NGLY1: variants seen among roughly 807,000 people sequenced by gnomAD.
NGLY1 encodes the protein N-glycanase 1, also known as peptide-N(4)-(N-acetyl-beta-glucosaminyl)asparagine amidase.
A neutral mutation model predicts 84.6 loss-of-function variants in NGLY1; 68 were observed. The observed-to-expected ratio is 0.80, with a 90% CI of 0.66 to 0.98. The LOEUF (loss-of-function observed/expected upper bound fraction) is 0.98. Among genes scored for constraint, NGLY1 ranks in the 50% least tolerant of loss-of-function variants. The pLI is 0.00. For synonymous variants in NGLY1, 280 were observed against 275.2 expected (o/e 1.02, Z -0.17); for missense variants, 779 against 770.2 (o/e 1.01, Z -0.14).
At chr3:25,777,606 C>T (rs775617091) in intron 2 of NGLY1, 17 of 152,124 alleles carry the variant, frequency 1.1e-4, no homozygotes, top group Non-Finnish European at 2.2e-4. Flanking sequence ...GTTTCAGGTA[C>T]CTGAGATGTT....
chr3:25,742,884 CAAAAAAAAAAAAA>C lies in NGLY1; in HGVS notation c.659-3098_659-3086del, dbSNP rs34669504. On this transcript the variant is annotated intron_variant, in intron 4 of 11. Coordinates refer to ENST00000280700, the MANE Select transcript of NGLY1 (RefSeq NM_018297.4). ...CTATGAATGTAGTTACCTTATGTGG[CAAAAAAAAAAAAA>C]AAAAAAAAAAAAAGGTCTTTGCAGA... Among the ~76,000 whole-genome samples the C allele has an allele frequency of 1.3e-4, 8 of 63,314 alleles. No individual in the cohort carries two copies. The East Asian group carries it at 1.6e-3, about 13-fold the overall frequency. The allele number at this position is 63,314 out of a possible 152,430, so 41.5% of individuals were successfully genotyped here.
At chr3:25,737,151 CA>C in intron 6 of NGLY1, 182 bp downstream of exon 6, 1 of 515,328 alleles carries the variant, frequency 1.9e-6, no homozygotes, top group South Asian at 3.5e-5. Flanking sequence ...AGGTGTTTTA[CA>C]AAACTCTTGT....
intron 1 of NGLY1, among the ~76,000 whole-genome samples, chr3:25,781,546 T>A (rs1708418183): frequency 6.6e-6 from 1 of 152,200 alleles, no homozygotes. Context: ...ACTCTTAATT[T>A]CTCAGCATTA....
chr3:25,771,906 T>C lies in NGLY1; in HGVS notation c.246+6668A>G, dbSNP rs558230017. On this transcript the variant is annotated intron_variant, in intron 2 of 11. Coordinates refer to ENST00000280700, the MANE Select transcript of NGLY1 (RefSeq NM_018297.4). Reference sequence around the variant, plus strand: ...GTATCCTGAAACTTTAATGAATTCATTTATCAGCTGTAGGAGCTTTTTGGA... The same window carrying C: ...GTATCCTGAAACTTTAATGAATTCACTTATCAGCTGTAGGAGCTTTTTGGA... Among the ~76,000 whole-genome samples, 14 of 152,334 alleles carry C rather than the reference T, an allele frequency of 9.2e-5. No homozygotes were observed. In the South Asian group the frequency reaches 2.9e-3, roughly 32 times the overall value.
At chr3:25,749,887 A>G in intron 4 of NGLY1, 1 of 847,892 alleles carries the variant, frequency 1.2e-6, no homozygotes, top group South Asian at 1.3e-5. Context: ...ACAGCGAAGA[A>G]AATGAGTAGA....
At chr3:25,745,586 T>C (rs1706377018) in intron 4 of NGLY1, among the ~76,000 whole-genome samples, 1 of 152,220 alleles carries the variant, frequency 6.6e-6, no homozygotes, top group South Asian at 2.1e-4. Flanking sequence ...ATATACATGA[T>C]GCCTTATCCT....
Position 25,749,300 on chromosome 3 carries a change from G to A in NGLY1, c.658+1798C>T, listed in dbSNP as rs541060629. ...CAGACTAAAGTATTTAAACACCCAC[G>A]TTCATAGCAACATTATTCACAATAG... On this transcript the variant is annotated intron_variant, in intron 4 of 11. Transcript: ENST00000280700. Among the ~76,000 whole-genome samples, 13 of 152,282 alleles carry A rather than the reference G, an allele frequency of 8.5e-5. No homozygotes were observed. In the East Asian group the frequency reaches 2.1e-3, roughly 25 times the overall value.
intron 3 of NGLY1, among the ~76,000 whole-genome samples, chr3:25,753,526 G>A (rs561761369): frequency 1.1e-4 from 16 of 152,186 alleles, no homozygotes; most frequent in African/African-American, 3.9e-4. Flanking sequence ...ATCACAACTG[G>A]AAAGCAAAAT....
At chr3:25,780,129 G>C (rs1708342027) in intron 1 of NGLY1, among the ~76,000 whole-genome samples, 1 of 152,200 alleles carries the variant, frequency 6.6e-6, no homozygotes. Flanking sequence ...TATGTAATTT[G>C]AGAATCACAG....
chr3:25,758,259 C>T (rs1282948644), intron 3 of NGLY1, among the ~76,000 whole-genome samples: 3 of 152,136 alleles, frequency 2.0e-5, no homozygotes, highest in Non-Finnish European at 2.9e-5. Flanking sequence ...GATTTGTATA[C>T]ATTCATTAGG....
intron 3 of NGLY1, among the ~76,000 whole-genome samples, chr3:25,761,061 A>C (rs993460246): frequency 6.6e-6 from 1 of 152,188 alleles, no homozygotes; most frequent in Non-Finnish European, 1.5e-5. Flanking sequence ...TCAATGAAAT[A>C]ATCACAAATT....
rs1553650650 is a variant in NGLY1 at position 25,722,274 on chromosome 3, C to CATATATATAT, written c.1612-2093_1612-2084dup. 7.5e-4 allele frequency among the ~76,000 whole-genome samples: 112 copies of CATATATATAT among 148,618 alleles called. No individual in the cohort carries two copies. In the South Asian group the frequency reaches 0.014, roughly 18 times the overall value. On this transcript the variant is annotated intron_variant, in intron 10 of 11. Coordinates refer to ENST00000280700, the MANE Select transcript of NGLY1 (RefSeq NM_018297.4). Reference sequence around the variant, plus strand: ...ATATTATTAAAGATCTGTATACACACATATATATATATATATATTCATGTT... The same window carrying CATATATATAT: ...ATATTATTAAAGATCTGTATACACACATATATATATATATATATATATATATATTCATGTT...
intron 6 of NGLY1, 83 bp downstream of exon 6, chr3:25,737,250 CA>C (rs1314562606): frequency 6.6e-6 from 8 of 1,204,732 alleles, no homozygotes; most frequent in Non-Finnish European, 9.1e-6. Context: ...CAAAAAGTAA[CA>C]GAGAATCATG....
chr3:25,762,400 G>C (rs1018414036), intron 3 of NGLY1, among the ~76,000 whole-genome samples: 11 of 152,164 alleles, frequency 7.2e-5, no homozygotes, highest in Non-Finnish European at 1.3e-4. Flanking sequence ...ACCAAGAGTT[G>C]TCTATGAAAA....
chr3:25,737,386 T>C lies in NGLY1; in HGVS notation c.951A>G (p.Thr317=), dbSNP rs1705887835. 1.2e-6 allele frequency: 2 copies of C among 1,613,880 alleles called. No homozygotes were observed. The highest frequency in any genetic ancestry group is 1.7e-5 in the Admixed American group (1 of 59,984). ...GRCGEWANCF[T]LCCRAVGFEA... ...CAAACCCTACAGCTCGGCAGCACAG[T>C]GTAAAACAATTGGCCCACTCGCCAC... The change falls in exon 6 of 12, where the codon ACA becomes ACG. Residue 317 remains threonine (T), a synonymous_variant. Transcript: ENST00000280700.
chr3:25,787,107 C>T (rs928575394), upstream of NGLY1, among the ~76,000 whole-genome samples: 1 of 152,150 alleles, frequency 6.6e-6, no homozygotes, highest in Non-Finnish European at 1.5e-5. Context: ...TGGTAACAAG[C>T]CCTTCAGGTG....
Position 25,789,833 on chromosome 3 carries a change from A to T in NGLY1, c.5+28T>A, listed in dbSNP as rs1206481363. 5.8e-6 allele frequency: 9 copies of T among 1,551,470 alleles called. No individual in the cohort carries two copies. The Admixed American group carries it at 1.6e-4, about 27-fold the overall frequency. The stretch of plus-strand genomic sequence containing the variant: ...TGGGCATTATCACTGCCAAAGAAAA[A>T]TGCCTTTTTGATGGGTGAAAATGCT... On this transcript the variant is annotated intron_variant, in intron 1 of 11. Transcript: ENST00000417874.
intron 4 of NGLY1, among the ~76,000 whole-genome samples, chr3:25,744,524 G>C (rs1208757923): frequency 6.6e-6 from 1 of 152,192 alleles, no homozygotes. Flanking sequence ...TTGGCCAGCG[G>C]GGGCTTCGTC....
intron 2 of NGLY1, among the ~76,000 whole-genome samples, chr3:25,773,326 A>T (rs1425262251): frequency 1.3e-5 from 2 of 152,162 alleles, no homozygotes; most frequent in South Asian, 4.1e-4. Flanking sequence ...GATCATTTTT[A>T]AAATTCTTTT....
Sources: gnomAD v4.1 joint callset for allele counts (sites outside exome capture counted in the v4.1 genomes callset) on GRCh38, gnomAD v4.1.1 for gene constraint, MANE v1.5 for transcripts, NCBI Gene and HGNC (gene_info 2026-07-23, HGNC 2026-07-21) for gene names.